Variants in UBA1 observed in about 807,000 individuals in gnomAD.
The protein encoded by UBA1 is ubiquitin like modifier activating enzyme 1, also known as ubiquitin-like modifier-activating enzyme 1.
In UBA1, 4 loss-of-function variants were observed where a neutral mutation model predicts 84.7. The ratio of observed to expected loss-of-function variants is 0.05; its 90% confidence interval spans 0.02 to 0.11. The LOEUF is 0.11. Ranked by LOEUF, UBA1 falls within the 10% of genes least tolerant of loss-of-function variation. The probability of loss-of-function intolerance (pLI) is 1.00; values close to 1 mark genes in which losing one functional copy is unlikely to be tolerated. For missense variants in UBA1, 513 were observed against 902.8 expected (o/e 0.57, Z 5.53); for synonymous variants, 364 against 362.6 (o/e 1.00, Z -0.04).
intron 14 of UBA1, 94 bp downstream of exon 14, chrX:47,203,790 C>T (rs1397310106): frequency 1.0e-6 from 1 of 967,523 alleles, no homozygotes; most frequent in South Asian, 2.4e-5. Context: ...TCTTGTTGCC[C>T]AGGCTGTAGT....
chrX:47,203,827 C>T, intron 14 of UBA1, 131 bp downstream of exon 14: 1 of 697,739 alleles, frequency 1.4e-6, no homozygotes, highest in Non-Finnish European at 2.1e-6. Flanking sequence ...TGGCCCACCA[C>T]AACCTCTGCC....
Position 47,210,858 on chromosome X carries a change from C to T in UBA1, c.2216C>T (p.Ala739Val). ...ATCCCTTAGCTCACAAGCTCAGGAGCGCCGTTCTGGTCTGGGCCCAAACGC... is the reference window on the plus strand; with the variant it reads ...ATCCCTTAGCTCACAAGCTCAGGAGTGCCGTTCTGGTCTGGGCCCAAACGC... ...FPPDQLTSSG[A>V]PFWSGPKRCP... is the part of the protein sequence containing the mutation. Residue 739 changes from alanine (A) to valine (V), a missense_variant, in exon 19 of 26, where the codon GCG becomes GTG. Transcript: ENST00000335972. The T allele has an allele frequency of 2.5e-6, 3 of 1,211,188 alleles. No homozygotes were observed. Among genetic ancestry groups the T allele is most frequent in the East Asian group, 3.0e-5 (1 of 33,815 alleles).
rs782332191 is a variant in UBA1 at position 47,214,354 on chromosome X, G to A, written c.2866G>A (p.Asp956Asn). The A allele has an allele frequency of 8.3e-7, 1 of 1,211,109 alleles. No individual in the cohort carries two copies. The highest frequency in any genetic ancestry group is 1.7e-5 in the African/African-American group (1 of 57,517). Residue 956 changes from aspartate (D) to asparagine (N), a missense_variant, in exon 24 of 26, where the codon GAT becomes AAT. Coordinates refer to ENST00000335972, the MANE Select transcript of UBA1 (RefSeq NM_003334.4). ...CTATAACCAAGAGTGGACATTGTGG[G>A]ATCGCTTTGAGGTACAAGGGCTGCA... is the stretch of plus-strand genomic sequence containing the variant. Reference protein sequence around the residue: ...QYYNQEWTLWDRFEVQGLQPN... With the variant: ...QYYNQEWTLWNRFEVQGLQPN...
chrX:47,199,581 A>C lies in UBA1; in HGVS notation c.447A>C (p.Gly149=). The C allele has an allele frequency of 8.3e-7, 1 of 1,209,981 alleles. No homozygotes were observed. Among genetic ancestry groups the C allele is most frequent in the Non-Finnish European group, 1.1e-6 (1 of 894,919 alleles). The part of the protein sequence containing the change: ...NSYVPVTAYT[G]PLVEDFLSGF... ...ATGTGCCTGTCACTGCCTACACTGG[A>C]CCCCTCGTTGAGGACTTCCTTAGTG... The change falls in exon 5 of 26, where the codon GGA becomes GGC. Residue 149 remains glycine (G), a synonymous_variant. Transcript: ENST00000335972.
At position 47,215,052 on chromosome X, in the gene UBA1, C is replaced by T. The variant is rs1057515900; in HGVS notation, c.*123C>T. 42 of 1,014,474 alleles carry T rather than the reference C, an allele frequency of 4.1e-5. No individual in the cohort carries two copies. The highest frequency in any genetic ancestry group is 5.7e-5 in the Non-Finnish European group (42 of 732,062). 83.6% of individuals were successfully genotyped at this position (1,014,474 alleles called of 1,213,427 possible). On this transcript the variant is annotated 3_prime_UTR_variant, in exon 26 of 26. Coordinates refer to ENST00000335972, the MANE Select transcript of UBA1 (RefSeq NM_003334.4). ...CAAGTCTGGTGTTCCCTCATCATCC[C>T]CCTACCTGAACCCCTCTTGCCACTG...
At chrX:47,209,736 G>A in intron 17 of UBA1, 49 bp downstream of exon 17, 1 of 1,168,094 alleles carries the variant, frequency 8.6e-7, no homozygotes, top group Non-Finnish European at 1.2e-6. Flanking sequence ...ACCAGCCAAG[G>A]CATCCCGGCT....
chrX:47,197,677 C>T, intron 1 of UBA1: 1 of 723,663 alleles, frequency 1.4e-6, no homozygotes, highest in Non-Finnish European at 1.6e-6. Flanking sequence ...AGTTACTTCT[C>T]ATTTGTCCGG....
In UBA1 at chrX:47,215,050, C is replaced by T; in HGVS notation, c.*121C>T. 2.9e-6 allele frequency: 3 copies of T among 1,019,505 alleles called. 1 individual carries two copies. The highest frequency in any genetic ancestry group is 4.1e-6 in the Non-Finnish European group (3 of 734,949). 84.0% of individuals were successfully genotyped at this position (1,019,505 alleles called of 1,213,427 possible). A position where few individuals can be genotyped will look rare whatever the true frequency, so the allele number is the denominator to read the frequency against. On this transcript the variant is annotated 3_prime_UTR_variant, in exon 26 of 26. Transcript: ENST00000335972. ...GCCAAGTCTGGTGTTCCCTCATCAT[C>T]CCCCTACCTGAACCCCTCTTGCCAC...
intron 14 of UBA1, among the ~76,000 whole-genome samples, chrX:47,204,454 G>A (rs1427859434): frequency 2.7e-5 from 3 of 111,503 alleles, no homozygotes; most frequent in African/African-American, 9.8e-5. Context: ...GACATGAAAT[G>A]TTGCCAACCA....
Position 47,214,382 on chromosome X carries a change from C to A in UBA1, c.2894C>A (p.Pro965His). 8.3e-7 allele frequency: 1 copy of A among 1,211,137 alleles called. No homozygotes were observed. Among genetic ancestry groups the A allele is most frequent in the African/African-American group, 1.7e-5 (1 of 57,528 alleles). ...WDRFEVQGLQ[P>H]NGEEMTLKQF... ...CGCTTTGAGGTACAAGGGCTGCAGCCTAATGGTGAGGAGATGACCCTCAAA... is the reference window on the plus strand; with the variant it reads ...CGCTTTGAGGTACAAGGGCTGCAGCATAATGGTGAGGAGATGACCCTCAAA... The change falls in exon 24 of 26, where the codon CCT (proline) becomes CAT (histidine). Residue 965 changes from proline (P) to histidine (H), a missense_variant. Coordinates refer to ENST00000335972, the MANE Select transcript of UBA1 (RefSeq NM_003334.4).
intron 16 of UBA1, chrX:47,208,563 T>C (rs920486961): frequency 1.8e-5 from 2 of 111,354 alleles, no homozygotes; most frequent in Non-Finnish European, 3.8e-5. Flanking sequence ...AAGATATACC[T>C]AATTGAAGTT....
intron 16 of UBA1, chrX:47,209,070 GAC>G (rs1365400718): frequency 7.8e-6 from 1 of 128,238 alleles, no homozygotes; most frequent in Non-Finnish European, 1.6e-5. Flanking sequence ...CAGCTCGGGT[GAC>G]AGTGTGAGAC....
At chrX:47,203,834 T>C in intron 14 of UBA1, 138 bp downstream of exon 14, 1 of 682,808 alleles carries the variant, frequency 1.5e-6, no homozygotes, top group Non-Finnish European at 2.1e-6. Context: ...CCACAACCTC[T>C]GCCTCCTGGG....
intron 5 of UBA1, 81 bp downstream of exon 5, chrX:47,199,695 A>C (rs782616321): frequency 2.1e-4 from 230 of 1,112,428 alleles, no homozygotes; most frequent in Non-Finnish European, 2.6e-4. Context: ...TTCAATATTG[A>C]TTTAATGGGT....
Position 47,214,434 on chromosome X carries a change from G to A in UBA1, c.2940+6G>A. Reference sequence around the variant, plus strand: ...AGTTCCTCGACTATTTTAAGGTAAGGCCCCTCCCTTACTCTGTCACCCCAC... The same window carrying A: ...AGTTCCTCGACTATTTTAAGGTAAGACCCCTCCCTTACTCTGTCACCCCAC... On this transcript the variant is annotated splice_donor_region_variant and intron_variant, in intron 24 of 25. Transcript: ENST00000335972. 1 of 1,209,523 alleles carries A rather than the reference G, an allele frequency of 8.3e-7. No homozygotes were observed. Among genetic ancestry groups the A allele is most frequent in the East Asian group, 3.0e-5 (1 of 33,791 alleles).
rs1556793983 is a variant in UBA1 at position 47,213,017 on chromosome X, C to T, written c.2674C>T (p.Pro892Ser). ...KSKLIAGKII[P>S]AIATTTAAVV... The stretch of plus-strand genomic sequence containing the variant: ...CAAGCTGATTGCAGGGAAGATCATC[C>T]CAGCCATTGCCACGACCACAGCAGC... The change falls in exon 23 of 26, where the codon CCA becomes TCA. Residue 892 changes from proline to serine, a missense_variant. Around this residue, in one of 6 missense-constraint regions of UBA1, gnomAD observed 151 missense variants for 260.1 expected, o/e 0.58. Coordinates refer to ENST00000335972, the MANE Select transcript of UBA1 (RefSeq NM_003334.4). 1 of 1,211,954 alleles carries T rather than the reference C, an allele frequency of 8.3e-7. No individual in the cohort carries two copies. Among genetic ancestry groups the T allele is most frequent in the African/African-American group, 1.7e-5 (1 of 57,819 alleles).
Position 47,214,587 on chromosome X carries a change from C to T in UBA1, c.2991C>T (p.Leu997=), listed in dbSNP as rs1556794650. ...TGCTGTCCCAGGGCGTGTCCATGCT[C>T]TATTCCTTCTTCATGCCAGCTGCCA... ...ITMLSQGVSM[L]YSFFMPAAKL... is the part of the protein sequence containing the mutation. The change falls in exon 25 of 26, where the codon CTC becomes CTT. Residue 997 remains leucine (L), a synonymous_variant. Coordinates refer to ENST00000335972, the MANE Select transcript of UBA1 (RefSeq NM_003334.4). 4 of 1,209,347 alleles carry T rather than the reference C, an allele frequency of 3.3e-6. No individual in the cohort carries two copies. Among genetic ancestry groups the T allele is most frequent in the South Asian group, 1.8e-5 (1 of 56,758 alleles).
intron 21 of UBA1, 124 bp downstream of exon 21, chrX:47,212,636 G>T: frequency 1.2e-6 from 1 of 851,652 alleles, no homozygotes. Context: ...CTGCCATATG[G>T]CTCTGAATGA....
At chrX:47,206,808 T>A in intron 16 of UBA1, 1 of 270,896 alleles carries the variant, frequency 3.7e-6, no homozygotes, top group Non-Finnish European at 6.7e-6. Context: ...ATCACAGCCC[T>A]TTACTCCCTA....
Sources: allele counts gnomAD v4.1 joint callset (sites outside exome capture counted in the v4.1 genomes callset), GRCh38; gene constraint gnomAD v4.1.1; regional missense constraint gnomAD v4.1.1; transcripts MANE v1.5; gene names NCBI Gene and HGNC (gene_info 2026-07-23, HGNC 2026-07-21).